Variants in PDE1A observed in about 807,000 individuals in gnomAD.
The protein encoded by PDE1A is phosphodiesterase 1A.
A neutral mutation model predicts 61.7 loss-of-function variants in PDE1A; 35 were observed. The observed-to-expected ratio is 0.57, with a 90% CI of 0.43 to 0.75. The LOEUF (loss-of-function observed/expected upper bound fraction) is 0.75, where lower values mean the gene tolerates loss of function less well. Among genes scored for constraint, PDE1A ranks in the 30% least tolerant of loss-of-function variants. The pLI, the probability that PDE1A is intolerant of heterozygous loss-of-function variation, is 0.00. For missense variants in PDE1A, 597 were observed against 630.6 expected, an observed-to-expected ratio of 0.95 and a Z score of 0.57; for synonymous variants, 232 against 213.2, an observed-to-expected ratio of 1.09 and a Z score of -0.77.
chr2:182,323,995 A>T (rs1336643330), intron 1 of PDE1A, among the ~76,000 whole-genome samples: 1 of 152,152 alleles, frequency 6.6e-6, no homozygotes, highest in African/African-American at 2.4e-5. Context: ...TCGCTACACC[A>T]GTAGGGAAGA....
At chr2:182,337,820 A>AT (rs200157263) in intron 1 of PDE1A, among the ~76,000 whole-genome samples, 3 of 152,290 alleles carry the variant, frequency 2.0e-5, no homozygotes, top group Admixed American at 2.0e-4. Flanking sequence ...TAAATATAGG[A>AT]TTTTAAAAAA....
intron 2 of PDE1A, among the ~76,000 whole-genome samples, chr2:182,519,490 G>A (rs1295290616): frequency 1.3e-5 from 2 of 151,890 alleles, no homozygotes; most frequent in African/African-American, 4.8e-5. Context: ...ACATCAGAAT[G>A]GGAGTAAGAA....
chr2:182,506,102 T>C (rs1378623793), intron 2 of PDE1A, among the ~76,000 whole-genome samples: 1 of 152,216 alleles, frequency 6.6e-6, no homozygotes, highest in African/African-American at 2.4e-5. Flanking sequence ...AATGATGTTA[T>C]GCTATACAAG....
At chr2:182,646,044 A>G in the PDE1A span, among the ~76,000 whole-genome samples, 2 of 152,186 alleles carry the variant, frequency 1.3e-5, no homozygotes, top group Admixed American at 6.5e-5. Flanking sequence ...TAAAAGATAA[A>G]TTTTTAAAAG....
chr2:182,468,345 C>A (rs1409454752), intron 2 of PDE1A, among the ~76,000 whole-genome samples: 1 of 151,966 alleles, frequency 6.6e-6, no homozygotes, highest in Non-Finnish European at 1.5e-5. Flanking sequence ...CAACAATGTT[C>A]ATAGCATCTT....
intron 2 of PDE1A, among the ~76,000 whole-genome samples, chr2:182,478,797 C>T (rs2125835887): frequency 6.6e-6 from 1 of 151,896 alleles, no homozygotes; most frequent in South Asian, 2.1e-4. Context: ...TATTTGGAGG[C>T]TAATAGAGTG....
chr2:182,599,429 T>G, the PDE1A span, among the ~76,000 whole-genome samples: 1 of 152,212 alleles, frequency 6.6e-6, no homozygotes, highest in Non-Finnish European at 1.5e-5. Flanking sequence ...TCCATAGCTA[T>G]GCAGGCATTT....
intron 2 of PDE1A, among the ~76,000 whole-genome samples, chr2:182,482,827 A>G (rs1036595480): frequency 6.6e-6 from 1 of 151,942 alleles, no homozygotes; most frequent in Admixed American, 6.6e-5. Flanking sequence ...GAGAAAGCAA[A>G]CAGCAACATG....
chr2:182,483,517 C>T (rs1177625952), intron 2 of PDE1A, among the ~76,000 whole-genome samples: 1 of 151,584 alleles, frequency 6.6e-6, no homozygotes, highest in Non-Finnish European at 1.5e-5. Flanking sequence ...AGGGACTCCA[C>T]AAATACATAA....
At chr2:182,249,018 T>C (rs1691197710) in intron 2 of PDE1A, among the ~76,000 whole-genome samples, 1 of 152,200 alleles carries the variant, frequency 6.6e-6, no homozygotes, top group Non-Finnish European at 1.5e-5. Flanking sequence ...TTCTACCTTT[T>C]AATAAGTTTC....
intron 1 of PDE1A, among the ~76,000 whole-genome samples, chr2:182,293,336 A>C (rs1460622914): frequency 1.3e-5 from 2 of 152,062 alleles, no homozygotes; most frequent in African/African-American, 4.8e-5. Flanking sequence ...ATTAGGAAAA[A>C]CAGTAGCGCT....
At chr2:182,559,067 A>G in the PDE1A span, among the ~76,000 whole-genome samples, 1 of 152,228 alleles carries the variant, frequency 6.6e-6, no homozygotes, top group Non-Finnish European at 1.5e-5. Flanking sequence ...TACCTCAACC[A>G]AAGAGAGCTT....
the PDE1A span, among the ~76,000 whole-genome samples, chr2:182,612,016 G>GC: frequency 6.6e-6 from 1 of 152,144 alleles, no homozygotes; most frequent in African/African-American, 2.4e-5. Flanking sequence ...TTTTCCAGGT[G>GC]CCCTAATCAG....
At chr2:182,378,545 C>T (rs1170611309) in intron 1 of PDE1A, among the ~76,000 whole-genome samples, 1 of 152,140 alleles carries the variant, frequency 6.6e-6, no homozygotes, top group African/African-American at 2.4e-5. Flanking sequence ...TCCCTTTCTA[C>T]TCTAATACTC....
intron 1 of PDE1A, among the ~76,000 whole-genome samples, chr2:182,362,262 C>G (rs371573286): frequency 6.6e-6 from 1 of 151,942 alleles, no homozygotes; most frequent in African/African-American, 2.4e-5. Flanking sequence ...GGATGTCCCC[C>G]AGGCCTTTTT....
At chr2:182,357,689 G>T (rs1699274881) in intron 1 of PDE1A, among the ~76,000 whole-genome samples, 1 of 152,058 alleles carries the variant, frequency 6.6e-6, no homozygotes, top group Non-Finnish European at 1.5e-5. Flanking sequence ...GTAATGTCTG[G>T]TGAAAATACT....
chr2:182,301,076 C>G (rs1195497079), intron 1 of PDE1A, among the ~76,000 whole-genome samples: 1 of 152,056 alleles, frequency 6.6e-6, no homozygotes, highest in Non-Finnish European at 1.5e-5. Flanking sequence ...CAATATTATC[C>G]AAGGACTTGG....
chr2:182,262,483 T>C (rs1416503717), intron 2 of PDE1A, among the ~76,000 whole-genome samples: 1 of 152,114 alleles, frequency 6.6e-6, no homozygotes, highest in East Asian at 1.9e-4. Context: ...CACAGGCTGG[T>C]TGTGAACTCC....
intron 1 of PDE1A, among the ~76,000 whole-genome samples, chr2:182,326,710 T>G (rs1411023453): frequency 1.3e-5 from 2 of 152,180 alleles, no homozygotes; most frequent in African/African-American, 2.4e-5. Flanking sequence ...GCTGGTAAAT[T>G]TTATGTTATT....
Sources: allele counts gnomAD v4.1 joint callset (sites outside exome capture counted in the v4.1 genomes callset), GRCh38; gene constraint gnomAD v4.1.1; transcripts MANE v1.5; gene names NCBI Gene and HGNC (gene_info 2026-07-23, HGNC 2026-07-21).